The following HPSE2 variants were observed in gnomAD, a reference collection of about 807,000 sequenced individuals.
HPSE2 encodes inactive heparanase-2.
Under a neutral mutation model 60.5 loss-of-function variants are expected in HPSE2, and 38 were observed. The observed-to-expected ratio is 0.63, with a 90% CI of 0.48 to 0.82. The LOEUF (loss-of-function observed/expected upper bound fraction) is 0.82, where lower values mean the gene tolerates loss of function less well. Among genes scored for constraint, HPSE2 ranks in the 40% least tolerant of loss-of-function variants. The pLI is 0.00. For synonymous variants in HPSE2, 295 were observed against 293.2 expected, an observed-to-expected ratio of 1.01 and a Z score of -0.06; for missense variants, 713 against 740.4, an observed-to-expected ratio of 0.96 and a Z score of 0.43.
At chr10:98,514,023 T>C (rs983226856) in intron 9 of HPSE2, among the ~76,000 whole-genome samples, 3 of 152,128 alleles carry the variant, frequency 2.0e-5, no homozygotes, top group Non-Finnish European at 4.4e-5. Context: ...AACAGATGAA[T>C]GGATCAACAA....
intron 3 of HPSE2, among the ~76,000 whole-genome samples, chr10:98,844,709 T>C (rs1225509551): frequency 6.6e-6 from 1 of 152,204 alleles, no homozygotes; most frequent in Non-Finnish European, 1.5e-5. Context: ...CTCTCACATA[T>C]TAAATATAAA....
At chr10:98,719,767 G>A (rs1279462818) in intron 5 of HPSE2, among the ~76,000 whole-genome samples, 3 of 150,592 alleles carry the variant, frequency 2.0e-5, no homozygotes, top group Admixed American at 6.7e-5. Flanking sequence ...TTGGGAGGCC[G>A]AGACGGGTGG....
At chr10:98,765,867 G>A (rs1950107960) in intron 3 of HPSE2, among the ~76,000 whole-genome samples, 1 of 151,220 alleles carries the variant, frequency 6.6e-6, no homozygotes, top group African/African-American at 2.4e-5. Flanking sequence ...ATGAAGAGAG[G>A]TTTCACATCA....
At chr10:98,542,865 A>T (rs1943520767) in intron 9 of HPSE2, among the ~76,000 whole-genome samples, 1 of 152,224 alleles carries the variant, frequency 6.6e-6, no homozygotes, top group African/African-American at 2.4e-5. Context: ...GTGTACCTGA[A>T]AGTGACGGGG....
chr10:99,011,754 C>CA (rs5787319), intron 3 of HPSE2, among the ~76,000 whole-genome samples: 23,168 of 93,042 alleles, frequency 0.25, 3,919 homozygotes, highest in Middle Eastern at 0.35. Context: ...GACTCCATCT[C>CA]AAAAAAAAAA....
chr10:98,760,420 T>C (rs1472613195), intron 3 of HPSE2, among the ~76,000 whole-genome samples: 1 of 152,106 alleles, frequency 6.6e-6, no homozygotes, highest in Non-Finnish European at 1.5e-5. Context: ...CTGTTGAATA[T>C]GATTTTGGCT....
intron 7 of HPSE2, among the ~76,000 whole-genome samples, chr10:98,630,447 T>C (rs923187443): frequency 1.3e-5 from 2 of 152,172 alleles, no homozygotes; most frequent in Non-Finnish European, 2.9e-5. Flanking sequence ...TCCGCCCGCC[T>C]TGGCCTCCCA....
intron 6 of HPSE2, among the ~76,000 whole-genome samples, chr10:98,668,701 C>A (rs186561951): frequency 6.6e-6 from 1 of 152,100 alleles, no homozygotes; most frequent in African/African-American, 2.4e-5. Flanking sequence ...ACTGGCTAAC[C>A]ATATGCAAAA....
intron 9 of HPSE2, among the ~76,000 whole-genome samples, chr10:98,551,778 T>C (rs1943871259): frequency 6.6e-6 from 1 of 152,204 alleles, no homozygotes; most frequent in Admixed American, 6.5e-5. Context: ...CCAGAGTTGG[T>C]TACTGTTGCT....
At chr10:99,197,471 T>C (rs186389984) in intron 2 of HPSE2, among the ~76,000 whole-genome samples, 1 of 152,160 alleles carries the variant, frequency 6.6e-6, no homozygotes, top group Non-Finnish European at 1.5e-5. Flanking sequence ...AAATATCTCA[T>C]GTATCCCATA....
intron 7 of HPSE2, among the ~76,000 whole-genome samples, chr10:98,632,969 G>A (rs1201516994): frequency 6.6e-6 from 1 of 151,986 alleles, no homozygotes; most frequent in Non-Finnish European, 1.5e-5. Context: ...ATTTACGTCA[G>A]TGGAAGTTAC....
intron 3 of HPSE2, among the ~76,000 whole-genome samples, chr10:98,818,826 A>T (rs1190773494): frequency 6.6e-6 from 1 of 152,212 alleles, no homozygotes; most frequent in Non-Finnish European, 1.5e-5. Context: ...GTTCATAAAT[A>T]GTTTAGATGA....
chr10:98,775,404 C>G (rs1950318190), intron 3 of HPSE2, among the ~76,000 whole-genome samples: 1 of 152,120 alleles, frequency 6.6e-6, no homozygotes, highest in South Asian at 2.1e-4. Context: ...TCGAAGGGTA[C>G]CAGGATGAAA....
rs552267369 is a variant in HPSE2 at position 98,960,594 on chromosome 10, C to T, written c.610+183644G>A. 3.1e-4 allele frequency among the ~76,000 whole-genome samples: 47 copies of T among 151,358 alleles called. No homozygotes were observed. In the South Asian group the frequency reaches 8.8e-3, roughly 28 times the overall value. ...GTTTAAACTGTATCCCCCTACTACC[C>T]CAAGGCAGAGCTAATCTATCCCTCC... is the stretch of plus-strand genomic sequence containing the variant. On this transcript the variant is annotated intron_variant, in intron 3 of 11. Coordinates refer to ENST00000370552, the MANE Select transcript of HPSE2 (RefSeq NM_021828.5).
At chr10:98,658,142 TG>T (rs1352299167) in intron 6 of HPSE2, among the ~76,000 whole-genome samples, 2 of 152,188 alleles carry the variant, frequency 1.3e-5, no homozygotes, top group Non-Finnish European at 2.9e-5. Context: ...GGGTAAAGTA[TG>T]GGCCTAAACG....
chr10:98,590,382 C>T (rs940169636), intron 9 of HPSE2, among the ~76,000 whole-genome samples: 3 of 152,238 alleles, frequency 2.0e-5, no homozygotes, highest in African/African-American at 7.2e-5. Flanking sequence ...GCGGAGCTTG[C>T]ACCGGAGCCA....
chr10:98,769,341 T>C (rs1589796878), intron 3 of HPSE2, among the ~76,000 whole-genome samples: 1 of 151,850 alleles, frequency 6.6e-6, no homozygotes, highest in Admixed American at 6.6e-5. Flanking sequence ...GGAGTGGAGG[T>C]GGGAGTTGGG....
intron 11 of HPSE2, among the ~76,000 whole-genome samples, chr10:98,471,781 CTG>C (rs1434671736): frequency 6.6e-6 from 1 of 152,216 alleles, no homozygotes; most frequent in Non-Finnish European, 1.5e-5. Flanking sequence ...ATAGCCAACT[CTG>C]TGTTTCTTGA....
intron 2 of HPSE2, among the ~76,000 whole-genome samples, chr10:99,158,496 C>T (rs368900299): frequency 7.7e-6 from 1 of 129,548 alleles, no homozygotes; most frequent in East Asian, 2.4e-4. Context: ...AGTAAACTAT[C>T]GCAAGAACAA....
Sources: allele counts gnomAD v4.1 joint callset (sites outside exome capture counted in the v4.1 genomes callset), GRCh38; gene constraint gnomAD v4.1.1; transcripts MANE v1.5; gene names NCBI Gene and HGNC (gene_info 2026-07-23, HGNC 2026-07-21).